CNTNAP2: variants seen among roughly 807,000 people sequenced by gnomAD.
The protein encoded by CNTNAP2 is contactin-associated protein-like 2.
CNTNAP2 carries 98 observed loss-of-function variants against 155.2 expected under a neutral mutation model. That is an observed-to-expected ratio of 0.63 (90% CI 0.54 to 0.75). The LOEUF (loss-of-function observed/expected upper bound fraction) is 0.75, where lower values mean the gene tolerates loss of function less well. Ranked by LOEUF, CNTNAP2 falls within the 30% of genes least tolerant of loss-of-function variation. The pLI is 0.00. For synonymous variants in CNTNAP2, 651 were observed against 631.2 expected (o/e 1.03, Z -0.47); for missense variants, 1,727 against 1,688.1 (o/e 1.02, Z -0.40).
chr7:146,896,197 C>T (rs1795873533), intron 3 of CNTNAP2, among the ~76,000 whole-genome samples: 2 of 152,018 alleles, frequency 1.3e-5, no homozygotes, highest in Non-Finnish European at 2.9e-5. Flanking sequence ...CCCAGCATAA[C>T]CTCATCTTAG....
chr7:147,257,598 C>T (rs568771977), intron 8 of CNTNAP2, among the ~76,000 whole-genome samples: 167 of 152,292 alleles, frequency 1.1e-3, no homozygotes, highest in Non-Finnish European at 2.0e-3. Context: ...ACTACGGTAC[C>T]GCCATCAGGC....
chr7:148,120,148 T>G (rs1585136256), intron 16 of CNTNAP2, among the ~76,000 whole-genome samples: 1 of 149,716 alleles, frequency 6.7e-6, no homozygotes, highest in African/African-American at 2.5e-5. Context: ...CCCATCTTTA[T>G]TTTATGTCCT....
intron 12 of CNTNAP2, among the ~76,000 whole-genome samples, chr7:147,614,983 T>G (rs1045363355): frequency 2.0e-5 from 3 of 151,370 alleles, no homozygotes; most frequent in Non-Finnish European, 2.9e-5. Flanking sequence ...CCACATGTGA[T>G]GGCTTATAAC....
At chr7:146,931,344 C>T (rs1173671117) in intron 3 of CNTNAP2, among the ~76,000 whole-genome samples, 2 of 150,786 alleles carry the variant, frequency 1.3e-5, no homozygotes, top group African/African-American at 2.4e-5. Context: ...CTACTGGGTA[C>T]ATAACGAAAT....
At chr7:146,850,724 G>T (rs1024078936) in intron 3 of CNTNAP2, among the ~76,000 whole-genome samples, 1 of 152,004 alleles carries the variant, frequency 6.6e-6, no homozygotes, top group Admixed American at 6.6e-5. Flanking sequence ...AAATTGTAAT[G>T]GTTGAATAAA....
chr7:146,491,894 A>C (rs1471074301), intron 1 of CNTNAP2, among the ~76,000 whole-genome samples: 1 of 152,094 alleles, frequency 6.6e-6, no homozygotes, highest in African/African-American at 2.4e-5. Flanking sequence ...ATTTCTATAT[A>C]AGCCTGCAGA....
At chr7:147,044,916 G>C (rs1258931953) in intron 4 of CNTNAP2, among the ~76,000 whole-genome samples, 1 of 151,992 alleles carries the variant, frequency 6.6e-6, no homozygotes, top group Non-Finnish European at 1.5e-5. Context: ...CTTCTTGAGA[G>C]GATATATCTT....
intron 1 of CNTNAP2, among the ~76,000 whole-genome samples, chr7:146,545,300 G>A (rs1563128566): frequency 1.3e-5 from 2 of 151,848 alleles, no homozygotes; most frequent in Non-Finnish European, 2.9e-5. Flanking sequence ...ACTGTTCGAA[G>A]TTCTCTTTGT....
intron 10 of CNTNAP2, among the ~76,000 whole-genome samples, chr7:147,425,313 G>C (rs1428612335): frequency 6.6e-6 from 1 of 151,594 alleles, no homozygotes; most frequent in Non-Finnish European, 1.5e-5. Context: ...AGCTAGGTAG[G>C]TATGAAAAAT....
intron 8 of CNTNAP2, among the ~76,000 whole-genome samples, chr7:147,225,830 G>A (rs7456029): frequency 4.6e-5 from 5 of 108,522 alleles, no homozygotes; most frequent in Non-Finnish European, 5.8e-5. Flanking sequence ...AAGGAAAGAA[G>A]GAAGGAAGGA....
At chr7:147,912,873 G>A (rs1274096781) in intron 14 of CNTNAP2, among the ~76,000 whole-genome samples, 1 of 152,168 alleles carries the variant, frequency 6.6e-6, no homozygotes, top group Non-Finnish European at 1.5e-5. Context: ...CCCAGCTTAA[G>A]CCACAAAGGT....
rs577155006 is a variant in CNTNAP2 at position 147,776,474 on chromosome 7, C to T, written c.2099-127091C>T. ...AGATAAATTCTATTCCTGGTGGCTG[C>T]CCATGCACACACGTGGATTAATGCC... On this transcript the variant is annotated intron_variant, in intron 13 of 23. Transcript: ENST00000361727. Among the ~76,000 whole-genome samples, 9 of 152,250 alleles carry T rather than the reference C, an allele frequency of 5.9e-5. 1 individual carries two copies. The South Asian group carries it at 1.9e-3, about 32-fold the overall frequency.
intron 3 of CNTNAP2, among the ~76,000 whole-genome samples, chr7:147,013,710 G>A (rs1441582815): frequency 6.7e-6 from 1 of 149,606 alleles, no homozygotes; most frequent in Non-Finnish European, 1.5e-5. Context: ...AATCATCATT[G>A]TCTTGTGACA....
At chr7:148,381,031 C>T (rs929055566) in intron 21 of CNTNAP2, among the ~76,000 whole-genome samples, 1 of 152,254 alleles carries the variant, frequency 6.6e-6, no homozygotes, top group Non-Finnish European at 1.5e-5. Context: ...ACCCACTGTG[C>T]TCCACCCCTT....
intron 3 of CNTNAP2, among the ~76,000 whole-genome samples, chr7:147,043,572 C>T (rs1265502208): frequency 6.6e-6 from 1 of 152,152 alleles, no homozygotes; most frequent in Admixed American, 6.6e-5. Flanking sequence ...TGGTTAGATG[C>T]TATAAAAATC....
chr7:147,997,556 C>CA lies in CNTNAP2; in HGVS notation c.2383+19584dup, dbSNP rs34678249. On this transcript the variant is annotated intron_variant, in intron 15 of 23. Coordinates refer to ENST00000361727, the MANE Select transcript of CNTNAP2 (RefSeq NM_014141.6). ...GGGCAACAAGAGCAAAACTCTGTCT[C>CA]AAAAAAAAAAAAAAAAATTTAAACA... Among the ~76,000 whole-genome samples the CA allele has an allele frequency of 2.2e-3, 292 of 131,904 alleles. 1 individual carries two copies. The highest frequency in any genetic ancestry group is 0.018 in the Middle Eastern group (4 of 226). 86.5% of individuals were successfully genotyped at this position (131,904 alleles called of 152,430 possible).
chr7:146,136,768 T>C (rs1797803975), intron 1 of CNTNAP2, among the ~76,000 whole-genome samples: 1 of 152,118 alleles, frequency 6.6e-6, no homozygotes, highest in Non-Finnish European at 1.5e-5. Flanking sequence ...CACACTCATT[T>C]AGGCTCTAAG....
At position 148,062,206 on chromosome 7, in the gene CNTNAP2, GAA is replaced by G. The variant is rs542863998; in HGVS notation, c.2384-55909_2384-55908del. 1.1e-3 allele frequency among the ~76,000 whole-genome samples: 171 copies of G among 152,008 alleles called. 1 individual carries two copies. The highest frequency in any genetic ancestry group is 4.0e-3 in the African/African-American group (166 of 41,498). ...TCAGAAAGCCTGAATGGAAAATAAT[GAA>G]AAGAGACATAATATGCAAATAATAA... On this transcript the variant is annotated intron_variant, in intron 15 of 23. Transcript: ENST00000361727.
chr7:148,304,065 A>C (rs955002246), intron 21 of CNTNAP2, among the ~76,000 whole-genome samples: 2 of 152,242 alleles, frequency 1.3e-5, no homozygotes, highest in Admixed American at 6.5e-5. Flanking sequence ...TTCAGAGGGT[A>C]GAAGAGAAGT....
Sources: gnomAD v4.1 joint callset for allele counts (sites outside exome capture counted in the v4.1 genomes callset) on GRCh38, gnomAD v4.1.1 for gene constraint, MANE v1.5 for transcripts, NCBI Gene and HGNC (gene_info 2026-07-23, HGNC 2026-07-21) for gene names.